Variants in FHAD1 observed in about 807,000 individuals in gnomAD.
FHAD1 encodes the protein forkhead-associated domain-containing protein 1.
In FHAD1, 146 loss-of-function variants were observed where a neutral mutation model predicts 191.3. That is an observed-to-expected ratio of 0.76 (90% CI 0.67 to 0.88). FHAD1 has a LOEUF of 0.88. Among genes scored for constraint, FHAD1 ranks in the 40% least tolerant of loss-of-function variants. The pLI, the probability that FHAD1 is intolerant of heterozygous loss-of-function variation, is 0.00. For synonymous variants in FHAD1, 616 were observed against 672.3 expected, an observed-to-expected ratio of 0.92 and a Z score of 1.29; for missense variants, 1,635 against 1,785.8, an observed-to-expected ratio of 0.92 and a Z score of 1.52.
chr1:15,318,724 G>A lies in FHAD1; in HGVS notation c.1365+796G>A, dbSNP rs566007527. Among the ~76,000 whole-genome samples, 9 of 152,342 alleles carry A rather than the reference G, an allele frequency of 5.9e-5. No homozygotes were observed. The highest frequency in any genetic ancestry group is 1.3e-4 in the Non-Finnish European group (9 of 68,028). Reference sequence around the variant, plus strand: ...TCCAAGTGCATAGTAGCCACGTGTAGCTGGTGGCTGCTGCACTGGACAGCA... The same window carrying A: ...TCCAAGTGCATAGTAGCCACGTGTAACTGGTGGCTGCTGCACTGGACAGCA... On this transcript the variant is annotated intron_variant, in intron 10 of 33. Coordinates refer to ENST00000688493, the MANE Select transcript of FHAD1 (RefSeq NM_001391957.1). This position sits in a 1 kb window ranked among gnomAD's most constrained non-coding sequence, Gnocchi z 4.1.
chr1:15,302,730 A>AT (rs1275550216), intron 6 of FHAD1, among the ~76,000 whole-genome samples: 1 of 152,146 alleles, frequency 6.6e-6, no homozygotes, highest in Non-Finnish European at 1.5e-5. Flanking sequence ...AAAAAAAAAA[A>AT]GTGGTCAGTG....
chr1:15,258,541 A>C (rs1466452135), intron 2 of FHAD1, among the ~76,000 whole-genome samples: 3 of 151,132 alleles, frequency 2.0e-5, no homozygotes, highest in Admixed American at 1.3e-4. Flanking sequence ...GCTGCTGTGA[A>C]TAATGCTGCT....
Position 15,325,263 on chromosome 1 carries a change from G to C in FHAD1, c.1473+704G>C, listed in dbSNP as rs1489749186. 6.6e-6 allele frequency: 1 copy of C among 152,178 alleles called. No homozygotes were observed. The highest frequency in any genetic ancestry group is 2.4e-5 in the African/African-American group (1 of 41,350). The allele number at this position is 152,178 out of a possible 1,614,324, so 9.4% of individuals were successfully genotyped here. A position where few individuals can be genotyped will look rare whatever the true frequency, so the allele number is the denominator to read the frequency against. On this transcript the variant is annotated intron_variant, in intron 11 of 33. Coordinates refer to ENST00000688493, the MANE Select transcript of FHAD1 (RefSeq NM_001391957.1). This position sits in a 1 kb window ranked among gnomAD's most constrained non-coding sequence, Gnocchi z 4.6. ...AGCCCACCCTAGATTCCTCCACAGG[G>C]GTCCCTCTCCTGGAAACCATGACTC...
chr1:15,319,055 G>A (rs7534349), intron 10 of FHAD1, among the ~76,000 whole-genome samples: 1 of 151,454 alleles, frequency 6.6e-6, no homozygotes, highest in Non-Finnish European at 1.5e-5. Flanking sequence ...GTCTTGAACT[G>A]CTGGCCTCAA....
At chr1:15,257,086 G>GT (rs1300110492) in intron 2 of FHAD1, among the ~76,000 whole-genome samples, 7 of 152,234 alleles carry the variant, frequency 4.6e-5, no homozygotes, top group African/African-American at 1.7e-4. Context: ...CTGCATCAAA[G>GT]TCTTTTTTAT....
chr1:15,360,397 ATG>A (rs1694405744), intron 21 of FHAD1, 79 bp from the exon 22 acceptor site: 2 of 1,262,948 alleles, frequency 1.6e-6, no homozygotes, highest in Non-Finnish European at 2.2e-6. Flanking sequence ...TTTAGCACCT[ATG>A]TGTGTGCCCA....
In FHAD1 at chr1:15,262,211, A is replaced by C. The variant is rs140398202; in HGVS notation, c.94-10112A>C. ...ACAGCAGGAATGCAGCAGAGGTGGG[A>C]CTTGAACTCAGAGCTTTCTAAGTGC... On this transcript the variant is annotated intron_variant, in intron 2 of 33. Coordinates refer to ENST00000688493, the MANE Select transcript of FHAD1 (RefSeq NM_001391957.1). Among the ~76,000 whole-genome samples, 835 of 152,316 alleles carry C rather than the reference A, an allele frequency of 5.5e-3. 5 individuals are homozygous for C. Among genetic ancestry groups the C allele is most frequent in the African/African-American group, 0.019 (797 of 41,552 alleles).
chr1:15,324,093 A>C (rs1677347220), intron 10 of FHAD1, among the ~76,000 whole-genome samples: 4 of 152,248 alleles, frequency 2.6e-5, no homozygotes, highest in South Asian at 4.1e-4. Context: ...TAAAATCCCC[A>C]CAATAACTCT....
At chr1:15,335,722 T>G (rs1683776390) in intron 14 of FHAD1, among the ~76,000 whole-genome samples, 1 of 152,184 alleles carries the variant, frequency 6.6e-6, no homozygotes, top group Admixed American at 6.5e-5. Context: ...TAACCAACAT[T>G]TATAACTTTT....
At chr1:15,338,625 C>T (rs936453575) in intron 14 of FHAD1, among the ~76,000 whole-genome samples, 1 of 152,156 alleles carries the variant, frequency 6.6e-6, no homozygotes, top group Non-Finnish European at 1.5e-5. Flanking sequence ...CATTCAGCCC[C>T]GCGCACCCCT....
At chr1:15,396,509 C>T (rs1706025149) in intron 33 of FHAD1, among the ~76,000 whole-genome samples, 1 of 151,796 alleles carries the variant, frequency 6.6e-6, no homozygotes, top group Non-Finnish European at 1.5e-5. Context: ...ATTTTGTGTA[C>T]AAAAAAATAA....
At chr1:15,335,062 C>A (rs541927238) in intron 14 of FHAD1, among the ~76,000 whole-genome samples, 1 of 152,222 alleles carries the variant, frequency 6.6e-6, no homozygotes, top group Non-Finnish European at 1.5e-5. Flanking sequence ...GGATGGAAAT[C>A]CTGAAACGAA....
At position 15,318,189 on chromosome 1, in the gene FHAD1, G is replaced by A. The variant is rs1675086760; in HGVS notation, c.1365+261G>A. ...TTCTAAAACTGTTTCTTGCTTTTTG[G>A]TAATGAGACCCACCTCTGGCCTCCC... On this transcript the variant is annotated intron_variant, in intron 10 of 33. Transcript: ENST00000688493. The surrounding 1 kb of genome is among the most constrained non-coding windows in gnomAD (Gnocchi z 4.1). Among the ~76,000 whole-genome samples, 1 of 152,134 alleles carries A rather than the reference G, an allele frequency of 6.6e-6. No individual in the cohort carries two copies. Among genetic ancestry groups the A allele is most frequent in the Non-Finnish European group, 1.5e-5 (1 of 68,012 alleles).
At chr1:15,341,918 A>C in intron 16 of FHAD1, 30 bp downstream of exon 16, 1 of 1,539,322 alleles carries the variant, frequency 6.5e-7, no homozygotes, top group South Asian at 1.2e-5. Flanking sequence ...TTGCTTTACT[A>C]CTGGAAACTG....
intron 32 of FHAD1, among the ~76,000 whole-genome samples, chr1:15,388,769 C>T (rs1703003255): frequency 6.6e-6 from 1 of 152,066 alleles, no homozygotes; most frequent in Non-Finnish European, 1.5e-5. Flanking sequence ...GATGGATGCT[C>T]GTAAGTGCTC....
At chr1:15,255,117 T>A (rs1326822951) in intron 2 of FHAD1, among the ~76,000 whole-genome samples, 5 of 46,870 alleles carry the variant, frequency 1.1e-4, no homozygotes, top group African/African-American at 2.0e-4. Flanking sequence ...AGTTCAGGAA[T>A]CTTAAAAAAG....
At chr1:15,384,610 C>G (rs1325008400) in intron 31 of FHAD1, 1 of 152,230 alleles carries the variant, frequency 6.6e-6, no homozygotes, top group Non-Finnish European at 1.5e-5. Context: ...ACACACAATG[C>G]GGGCTGGCCA....
chr1:15,337,630 TAA>T (rs1466287744), intron 14 of FHAD1, among the ~76,000 whole-genome samples: 1 of 152,058 alleles, frequency 6.6e-6, no homozygotes, highest in East Asian at 1.9e-4. Flanking sequence ...CCACAATGCC[TAA>T]GACAGCCCCA....
chr1:15,367,444 G>A lies in FHAD1; in HGVS notation c.3155-19G>A. On this transcript the variant is annotated intron_variant, in intron 24 of 33. Coordinates refer to ENST00000688493, the MANE Select transcript of FHAD1 (RefSeq NM_001391957.1). ...CCGGGAGGCAGAGACCCCCTTACCGGCCCTCCTGTCACTCGCAGGGGAGCT... is the reference window on the plus strand; with the variant it reads ...CCGGGAGGCAGAGACCCCCTTACCGACCCTCCTGTCACTCGCAGGGGAGCT... 6 of 1,548,732 alleles carry A rather than the reference G, an allele frequency of 3.9e-6. No individual in the cohort carries two copies. The highest frequency in any genetic ancestry group is 5.2e-6 in the Non-Finnish European group (6 of 1,145,110).
Sources: allele counts gnomAD v4.1 joint callset (sites outside exome capture counted in the v4.1 genomes callset), GRCh38; gene constraint gnomAD v4.1.1; non-coding constraint Gnocchi (gnomAD v3.1); transcripts MANE v1.5; gene names NCBI Gene and HGNC (gene_info 2026-07-23, HGNC 2026-07-21).